RNGTT: variants seen among roughly 807,000 people sequenced by gnomAD.
The protein encoded by RNGTT is RNA guanylyltransferase and 5'-phosphatase.
In RNGTT, 33 loss-of-function variants were observed where a neutral mutation model predicts 79.3. The ratio of observed to expected loss-of-function variants is 0.42; its 90% CI spans 0.32 to 0.56. RNGTT has a LOEUF of 0.56. RNGTT is among the 20% of genes least tolerant of loss of function. RNGTT has a pLI of 0.17. For synonymous variants in RNGTT, 222 were observed against 235.9 expected (o/e 0.94, Z 0.54); for missense variants, 497 against 739.1 (o/e 0.67, Z 3.80).
At chr6:88,622,993 T>C (rs145328872) in intron 14 of RNGTT, among the ~76,000 whole-genome samples, 105 of 152,178 alleles carry the variant, frequency 6.9e-4, no homozygotes, top group African/African-American at 2.5e-3. Flanking sequence ...CAGAGACTAA[T>C]GCAGAGAGAA....
intron 12 of RNGTT, among the ~76,000 whole-genome samples, chr6:88,800,488 C>A (rs35955414): frequency 0.09 from 13,730 of 152,170 alleles, 867 homozygotes; most frequent in Middle Eastern, 0.2. Context: ...TATATAAATT[C>A]TCAACTAGCT....
At chr6:88,749,131 C>A (rs1056596445) in intron 13 of RNGTT, among the ~76,000 whole-genome samples, 9 of 152,032 alleles carry the variant, frequency 5.9e-5, no homozygotes, top group African/African-American at 2.2e-4. Flanking sequence ...AGAATAAAGA[C>A]TGTCACTAAA....
intron 4 of RNGTT, among the ~76,000 whole-genome samples, chr6:88,917,671 G>C (rs1784040953): frequency 6.6e-6 from 1 of 152,220 alleles, no homozygotes; most frequent in South Asian, 2.1e-4. Flanking sequence ...CGGATCACTT[G>C]AGGCCAGGAG....
chr6:88,849,312 A>G (rs1562284321), intron 10 of RNGTT, among the ~76,000 whole-genome samples: 2 of 152,068 alleles, frequency 1.3e-5, no homozygotes, highest in African/African-American at 4.8e-5. Flanking sequence ...CCAGAAAAAA[A>G]TGTCTTTTAA....
chr6:88,961,812 G>T (rs2127968627), intron 1 of RNGTT, among the ~76,000 whole-genome samples: 1 of 152,280 alleles, frequency 6.6e-6, no homozygotes, highest in Non-Finnish European at 1.5e-5. Flanking sequence ...TTACACAAGA[G>T]AAATGAAAGT....
chr6:88,786,524 T>C (rs1582459644), intron 12 of RNGTT, among the ~76,000 whole-genome samples: 2 of 152,094 alleles, frequency 1.3e-5, no homozygotes, highest in South Asian at 4.2e-4. Context: ...ACCATATAGA[T>C]AGGAGTCTAA....
intron 4 of RNGTT, among the ~76,000 whole-genome samples, chr6:88,923,763 A>G (rs533181820): frequency 6.6e-6 from 1 of 152,356 alleles, no homozygotes; most frequent in Non-Finnish European, 1.5e-5. Flanking sequence ...TTCAACAAAC[A>G]TATCGTAGCT....
chr6:88,945,103 G>A (rs1468911979), intron 1 of RNGTT, among the ~76,000 whole-genome samples: 1 of 152,190 alleles, frequency 6.6e-6, no homozygotes, highest in Admixed American at 6.5e-5. Context: ...CTCCTTCTCA[G>A]GTCAGCTGGC....
At chr6:88,622,787 C>A (rs1046079478) in intron 14 of RNGTT, among the ~76,000 whole-genome samples, 2 of 152,112 alleles carry the variant, frequency 1.3e-5, no homozygotes, top group Non-Finnish European at 2.9e-5. Flanking sequence ...CTAGAACCAT[C>A]ATTCCTCCCA....
chr6:88,812,920 C>T (rs1780188729), intron 11 of RNGTT, among the ~76,000 whole-genome samples: 1 of 152,096 alleles, frequency 6.6e-6, no homozygotes, highest in Admixed American at 6.5e-5. Flanking sequence ...TTACTGAGTA[C>T]TAATTACATA....
At chr6:88,792,459 T>G (rs1489510964) in intron 12 of RNGTT, among the ~76,000 whole-genome samples, 1 of 152,244 alleles carries the variant, frequency 6.6e-6, no homozygotes, top group Admixed American at 6.5e-5. Flanking sequence ...AGAAAAATCT[T>G]AAGTATTCTT....
At chr6:88,618,671 G>A (rs1457362012) in intron 14 of RNGTT, among the ~76,000 whole-genome samples, 1 of 152,108 alleles carries the variant, frequency 6.6e-6, no homozygotes, top group Non-Finnish European at 1.5e-5. Context: ...TATATTTTAT[G>A]TTGAAAAAAA....
In RNGTT at chr6:88,722,754, C is replaced by T. The variant is rs1175436788; in HGVS notation, c.1440-44335G>A. On this transcript the variant is annotated intron_variant, in intron 13 of 15. Transcript: ENST00000369485. ...GAAGAAAAGTAACTATAGTCATGAG[C>T]CTCATAACAATGTTTGGAACAACGA... is the stretch of plus-strand genomic sequence containing the variant. Among the ~76,000 whole-genome samples the T allele has an allele frequency of 5.3e-5, 8 of 152,274 alleles. No homozygotes were observed. In the East Asian group the frequency reaches 1.5e-3, roughly 29 times the overall value.
chr6:88,939,963 G>A (rs1784795010), intron 2 of RNGTT, among the ~76,000 whole-genome samples: 1 of 150,868 alleles, frequency 6.6e-6, no homozygotes, highest in Non-Finnish European at 1.5e-5. Context: ...TCCCTATGCT[G>A]CCCACACTGG....
At chr6:88,835,740 A>G (rs774532981) in intron 11 of RNGTT, among the ~76,000 whole-genome samples, 2 of 152,160 alleles carry the variant, frequency 1.3e-5, no homozygotes, top group Non-Finnish European at 2.9e-5. Context: ...TAAAATGCCT[A>G]TGAAAAACAT....
intron 2 of RNGTT, among the ~76,000 whole-genome samples, chr6:88,929,497 G>T (rs1300134687): frequency 2.0e-5 from 3 of 152,086 alleles, no homozygotes; most frequent in Non-Finnish European, 4.4e-5. Flanking sequence ...ACTAAGGAAA[G>T]AACAGGAATA....
chr6:88,643,027 T>G (rs1582269061), intron 14 of RNGTT, among the ~76,000 whole-genome samples: 1 of 152,272 alleles, frequency 6.6e-6, no homozygotes, highest in Admixed American at 6.5e-5. Flanking sequence ...TACATCCTGC[T>G]TAGCCCACTG....
chr6:88,716,266 G>T (rs2127810283), intron 13 of RNGTT, among the ~76,000 whole-genome samples: 1 of 151,962 alleles, frequency 6.6e-6, no homozygotes, highest in South Asian at 2.1e-4. Context: ...ACCACAATGA[G>T]ATACCATCTC....
intron 13 of RNGTT, among the ~76,000 whole-genome samples, chr6:88,703,133 G>A (rs1446803580): frequency 2.0e-5 from 3 of 152,214 alleles, no homozygotes; most frequent in Non-Finnish European, 4.4e-5. Context: ...ACTGTAGGAA[G>A]CAGTTTGGCA....
Sources: allele counts gnomAD v4.1 joint callset (sites outside exome capture counted in the v4.1 genomes callset), GRCh38; gene constraint gnomAD v4.1.1; transcripts MANE v1.5; gene names NCBI Gene and HGNC (gene_info 2026-07-23, HGNC 2026-07-21).